RBFOX1: variants seen among roughly 807,000 people sequenced by gnomAD.
The protein encoded by RBFOX1 is RNA binding protein fox-1 homolog 1.
In RBFOX1, 8 loss-of-function variants were observed where a neutral mutation model predicts 57.7. The observed-to-expected ratio is 0.14, with a 90% CI of 0.08 to 0.25. The LOEUF is 0.25. Among genes scored for constraint, RBFOX1 ranks in the 10% least tolerant of loss-of-function variants. The pLI is 1.00. For missense variants in RBFOX1, 611 were observed against 548.5 expected (o/e 1.11, Z -1.14); for synonymous variants, 326 against 222.4 (o/e 1.47, Z -4.15).
At chr16:7,313,758 G>A (rs2096375011) in intron 4 of RBFOX1, among the ~76,000 whole-genome samples, 1 of 152,064 alleles carries the variant, frequency 6.6e-6, no homozygotes, top group African/African-American at 2.4e-5. Flanking sequence ...ATTTTTAGAT[G>A]CAGAATCCAA....
intron 4 of RBFOX1, among the ~76,000 whole-genome samples, chr16:7,444,360 C>G (rs1458179855): frequency 2.6e-5 from 4 of 152,044 alleles, no homozygotes; most frequent in Admixed American, 6.6e-5. Context: ...AGTTAGTTAT[C>G]TAGATGTTAG....
At chr16:5,721,285 T>G (rs1206501596) in intron 3 of RBFOX1, among the ~76,000 whole-genome samples, 1 of 152,240 alleles carries the variant, frequency 6.6e-6, no homozygotes, top group Non-Finnish European at 1.5e-5. Context: ...AGCTGATTTT[T>G]GCAAATTAAT....
intron 4 of RBFOX1, among the ~76,000 whole-genome samples, chr16:5,883,534 C>G (rs955012935): frequency 6.6e-6 from 1 of 152,084 alleles, no homozygotes; most frequent in African/African-American, 2.4e-5. Context: ...CCCACAGTCC[C>G]AACGTTGGAC....
chr16:6,025,204 A>T (rs2095166163), intron 1 of RBFOX1, among the ~76,000 whole-genome samples: 2 of 152,180 alleles, frequency 1.3e-5, no homozygotes, highest in Admixed American at 6.5e-5. Context: ...CTATTTTTTC[A>T]AAGTTTCAAT....
chr16:5,611,628 G>A (rs940984528), intron 3 of RBFOX1, among the ~76,000 whole-genome samples: 1 of 151,916 alleles, frequency 6.6e-6, no homozygotes, highest in Non-Finnish European at 1.5e-5. Context: ...CTATCCATCT[G>A]TTCATCCAGC....
intron 3 of RBFOX1, among the ~76,000 whole-genome samples, chr16:5,791,249 C>T (rs967959573): frequency 5.3e-5 from 8 of 152,138 alleles, no homozygotes; most frequent in African/African-American, 1.9e-4. Context: ...AAACTGTAGC[C>T]AACTATCTTT....
intron 2 of RBFOX1, among the ~76,000 whole-genome samples, chr16:6,431,962 T>C (rs188963658): frequency 2.2e-4 from 33 of 146,762 alleles, no homozygotes; most frequent in Admixed American, 1.9e-3. Context: ...TCTTTCTTTC[T>C]TTTTCTTTTT....
At chr16:7,399,558 T>A (rs1296554394) in intron 4 of RBFOX1, among the ~76,000 whole-genome samples, 1 of 152,238 alleles carries the variant, frequency 6.6e-6, no homozygotes, top group Admixed American at 6.5e-5. Flanking sequence ...CCTGGCTCTC[T>A]TTTAGCCTCT....
At position 5,444,418 on chromosome 16, in the gene RBFOX1, G is replaced by C. The variant is rs1339347440; in HGVS notation, c.220-22798G>C. On this transcript the variant is annotated intron_variant, in intron 1 of 2. Transcript: ENST00000585867. ...TGCTAATAGCAAGAATGATCGGAAA[G>C]ACAGTTGTAGACAAACAGAGCATGA... Among the ~76,000 whole-genome samples, 2 of 152,220 alleles carry C rather than the reference G, an allele frequency of 1.3e-5. 1 individual carries two copies. Among genetic ancestry groups the C allele is most frequent in the Non-Finnish European group, 2.9e-5 (2 of 68,044 alleles).
At chr16:7,557,466 A>G (rs920152593) in intron 5 of RBFOX1, among the ~76,000 whole-genome samples, 1 of 151,812 alleles carries the variant, frequency 6.6e-6, no homozygotes, top group African/African-American at 2.4e-5. Flanking sequence ...CTAAAAATAT[A>G]AAAATTAGCC....
chr16:6,985,365 A>C (rs938198367), intron 3 of RBFOX1, among the ~76,000 whole-genome samples: 2 of 152,238 alleles, frequency 1.3e-5, no homozygotes, highest in Admixed American at 6.5e-5. Context: ...CACAAAAGAT[A>C]TATGGTCTTA....
intron 3 of RBFOX1, among the ~76,000 whole-genome samples, chr16:6,717,587 T>C (rs1603457387): frequency 6.6e-6 from 1 of 152,116 alleles, no homozygotes; most frequent in Admixed American, 6.6e-5. Context: ...TGAAGTCTTT[T>C]TTTTTTTTTT....
chr16:6,526,120 G>A (rs1567557715), intron 2 of RBFOX1, among the ~76,000 whole-genome samples: 1 of 152,246 alleles, frequency 6.6e-6, no homozygotes, highest in East Asian at 1.9e-4. Context: ...AGTGAGTCAT[G>A]GAATCTTTAC....
At chr16:5,593,721 C>T (rs2047088400) in intron 2 of RBFOX1, among the ~76,000 whole-genome samples, 1 of 152,172 alleles carries the variant, frequency 6.6e-6, no homozygotes, top group South Asian at 2.1e-4. Context: ...AAGAAATAAC[C>T]ATAAAAATGG....
chr16:6,013,466 C>T (rs897120341), intron 4 of RBFOX1, among the ~76,000 whole-genome samples: 2 of 152,082 alleles, frequency 1.3e-5, no homozygotes, highest in African/African-American at 4.8e-5. Flanking sequence ...GGAATCTCCA[C>T]CCTCATGATC....
chr16:5,911,841 A>G (rs8063713), intron 4 of RBFOX1, among the ~76,000 whole-genome samples: 53,190 of 151,918 alleles, frequency 0.35, 9,709 homozygotes, highest in East Asian at 0.5. Flanking sequence ...CATCTCAACC[A>G]TGAGGGCCCC....
intron 2 of RBFOX1, among the ~76,000 whole-genome samples, chr16:6,549,661 C>G (rs1176892654): frequency 6.6e-6 from 1 of 151,968 alleles, no homozygotes; most frequent in Non-Finnish European, 1.5e-5. Context: ...GTGCCTACTT[C>G]TGAGCAAATC....
intron 4 of RBFOX1, among the ~76,000 whole-genome samples, chr16:5,920,948 C>G (rs1197414266): frequency 1.0e-5 from 1 of 95,484 alleles, no homozygotes; most frequent in African/African-American, 3.3e-5. Context: ...CCGTGCAAGG[C>G]TACCTGAAGA....
chr16:6,854,917 G>C (rs2057542706), intron 3 of RBFOX1, among the ~76,000 whole-genome samples: 1 of 151,794 alleles, frequency 6.6e-6, no homozygotes, highest in Admixed American at 6.6e-5. Context: ...TTTTTATTCT[G>C]GTTTCTATAT....
Sources: gnomAD v4.1 joint callset for allele counts (sites outside exome capture counted in the v4.1 genomes callset) on GRCh38, gnomAD v4.1.1 for gene constraint, MANE v1.5 for transcripts, NCBI Gene and HGNC (gene_info 2026-07-23, HGNC 2026-07-21) for gene names.